The following PLPPR1 variants were observed in gnomAD, a reference collection of about 807,000 sequenced individuals.
PLPPR1 encodes the protein phospholipid phosphatase-related protein type 1.
PLPPR1 carries 10 observed loss-of-function variants against 33.1 expected under a neutral mutation model. The ratio of observed to expected loss-of-function variants is 0.30; its 90% CI spans 0.19 to 0.51. PLPPR1 has a LOEUF of 0.51. Ranked by LOEUF, PLPPR1 falls within the 20% of genes least tolerant of loss-of-function variation. The pLI is 0.97. For synonymous variants in PLPPR1, 151 were observed against 151.0 expected (o/e 1.00, Z 0.00); for missense variants, 304 against 408.1 (o/e 0.74, Z 2.20).
chr9:101,230,322 C>T (rs572491477), intron 2 of PLPPR1, among the ~76,000 whole-genome samples: 4 of 152,184 alleles, frequency 2.6e-5, no homozygotes, highest in African/African-American at 9.6e-5. Flanking sequence ...CTGATGCTCA[C>T]AGAAGCACAT....
At chr9:101,311,306 G>A (rs1290367830) in intron 5 of PLPPR1, among the ~76,000 whole-genome samples, 1 of 152,132 alleles carries the variant, frequency 6.6e-6, no homozygotes, top group African/African-American at 2.4e-5. Flanking sequence ...TTCAAATCAT[G>A]CCTCACAGAC....
At chr9:101,185,821 TTATTA>T (rs1023806790) in intron 2 of PLPPR1, among the ~76,000 whole-genome samples, 1 of 151,840 alleles carries the variant, frequency 6.6e-6, no homozygotes, top group African/African-American at 2.4e-5. Flanking sequence ...ATATTGTGTT[TTATTA>T]TATTTCTTCT....
At chr9:101,228,373 G>T (rs936197157) in intron 2 of PLPPR1, among the ~76,000 whole-genome samples, 2 of 152,100 alleles carry the variant, frequency 1.3e-5, no homozygotes, top group African/African-American at 4.8e-5. Context: ...AAAGCAAAGC[G>T]TGAGGTCCAC....
At chr9:101,188,751 A>G (rs1329076) in intron 2 of PLPPR1, among the ~76,000 whole-genome samples, 57,678 of 151,806 alleles carry the variant, frequency 0.38, 11,570 homozygotes, top group Non-Finnish European at 0.44. Context: ...AATTACTTTA[A>G]AATTTTAAAT....
chr9:101,045,816 G>A (rs1830136461), intron 1 of PLPPR1, among the ~76,000 whole-genome samples: 1 of 152,136 alleles, frequency 6.6e-6, no homozygotes, highest in Non-Finnish European at 1.5e-5. Flanking sequence ...TTTCTTCCTT[G>A]AAAAATGGGT....
intron 1 of PLPPR1, among the ~76,000 whole-genome samples, chr9:101,120,594 C>T (rs1411018170): frequency 2.0e-5 from 3 of 152,148 alleles, no homozygotes; most frequent in African/African-American, 7.2e-5. Flanking sequence ...AAGATAAGTG[C>T]CATCTCCTTC....
chr9:101,277,879 T>C (rs898932835), intron 3 of PLPPR1, among the ~76,000 whole-genome samples: 3 of 152,210 alleles, frequency 2.0e-5, no homozygotes, highest in African/African-American at 7.2e-5. Flanking sequence ...CATTCACTTT[T>C]TAATCCTCTC....
chr9:101,176,988 G>A lies in PLPPR1; in HGVS notation c.-45-8462G>A, dbSNP rs1274863536. Among the ~76,000 whole-genome samples the A allele has an allele frequency of 2.6e-5, 4 of 152,148 alleles. No individual in the cohort carries two copies. In the South Asian group the frequency reaches 6.2e-4, roughly 24 times the overall value. On this transcript the variant is annotated intron_variant, in intron 1 of 7. Coordinates refer to ENST00000374874, the MANE Select transcript of PLPPR1 (RefSeq NM_207299.2). ...TATCTTTGAAACAAATGAAAAAATA[G>A]TCTCAGCAAAGAAAGTAAGTTTTAA... is the stretch of plus-strand genomic sequence containing the variant.
intron 4 of PLPPR1, among the ~76,000 whole-genome samples, chr9:101,308,590 C>G (rs1828896925): frequency 6.6e-6 from 1 of 152,136 alleles, no homozygotes; most frequent in Admixed American, 6.5e-5. Context: ...TTCCTTTATT[C>G]TCATTTTCTG....
intron 1 of PLPPR1, among the ~76,000 whole-genome samples, chr9:101,167,440 C>G (rs112806499): frequency 1.1e-4 from 17 of 151,544 alleles, no homozygotes; most frequent in African/African-American, 3.9e-4. Context: ...AAAATACTTT[C>G]CTGTACAGCT....
intron 2 of PLPPR1, among the ~76,000 whole-genome samples, chr9:101,249,772 G>A (rs1827683876): frequency 6.6e-6 from 1 of 152,070 alleles, no homozygotes; most frequent in African/African-American, 2.4e-5. Flanking sequence ...AATACTAGAA[G>A]TGGACAACTG....
chr9:101,179,460 C>T (rs113422851), intron 1 of PLPPR1, among the ~76,000 whole-genome samples: 2 of 152,236 alleles, frequency 1.3e-5, no homozygotes, highest in Non-Finnish European at 2.9e-5. Flanking sequence ...TGTTTGTGCA[C>T]GTATACACTT....
intron 3 of PLPPR1, among the ~76,000 whole-genome samples, chr9:101,271,022 T>C (rs1015288287): frequency 2.0e-5 from 3 of 152,182 alleles, no homozygotes; most frequent in African/African-American, 7.2e-5. Flanking sequence ...TTTGCTTGCT[T>C]TCAGATGAGA....
At chr9:101,284,574 A>G (rs1464645436) in intron 3 of PLPPR1, among the ~76,000 whole-genome samples, 2 of 152,232 alleles carry the variant, frequency 1.3e-5, no homozygotes, top group Non-Finnish European at 2.9e-5. Context: ...ATTTATTAAC[A>G]TCACAGTGTA....
intron 2 of PLPPR1, among the ~76,000 whole-genome samples, chr9:101,192,458 G>A (rs1321033311): frequency 6.6e-6 from 1 of 152,004 alleles, no homozygotes; most frequent in African/African-American, 2.4e-5. Flanking sequence ...TATAAACTTG[G>A]GGAATTTCTT....
At chr9:101,274,571 A>C (rs1828155098) in intron 3 of PLPPR1, among the ~76,000 whole-genome samples, 1 of 152,206 alleles carries the variant, frequency 6.6e-6, no homozygotes, top group South Asian at 2.1e-4. Flanking sequence ...AGCAGCAGCA[A>C]GACAGAAAAC....
At chr9:101,207,512 G>A (rs1474027371) in intron 2 of PLPPR1, among the ~76,000 whole-genome samples, 1 of 152,022 alleles carries the variant, frequency 6.6e-6, no homozygotes. Flanking sequence ...TTTGAAAGTC[G>A]TTCCAGGGGC....
chr9:101,291,106 G>A (rs1341271299), intron 4 of PLPPR1, among the ~76,000 whole-genome samples: 1 of 152,240 alleles, frequency 6.6e-6, no homozygotes, highest in Admixed American at 6.5e-5. Context: ...TCCGACAACA[G>A]GCTTAAAAAA....
chr9:101,191,466 TTCTC>T (rs1209133299), intron 2 of PLPPR1, among the ~76,000 whole-genome samples: 1 of 152,182 alleles, frequency 6.6e-6, no homozygotes, highest in African/African-American at 2.4e-5. Flanking sequence ...CTGTTACTCT[TTCTC>T]TCTTCCTGTT....
Sources: allele counts gnomAD v4.1 joint callset (sites outside exome capture counted in the v4.1 genomes callset), GRCh38; gene constraint gnomAD v4.1.1; transcripts MANE v1.5; gene names NCBI Gene and HGNC (gene_info 2026-07-23, HGNC 2026-07-21).